The following ZNF497 variants were observed in gnomAD, a reference collection of about 807,000 sequenced individuals.
ZNF497 encodes zinc finger protein 497, also known as zinc finger-like protein.
For missense variants in ZNF497, 930 were observed against 714.0 expected, an observed-to-expected ratio of 1.30 and a Z score of -3.45; for synonymous variants, 422 against 313.7, an observed-to-expected ratio of 1.35 and a Z score of -3.65.
At position 58,356,663 on chromosome 19, in the gene ZNF497, T is replaced by A; in HGVS notation, c.973A>T (p.Thr325Ser). The A allele has an allele frequency of 6.5e-7, 1 of 1,549,408 alleles. No homozygotes were observed. The highest frequency in any genetic ancestry group is 8.7e-7 in the Non-Finnish European group (1 of 1,153,204). Residue 325 changes from threonine to serine, a missense_variant, in exon 3 of 3, where the codon ACT becomes TCT. Physicochemically the swap from Thr to Ser is moderately conservative, Grantham distance 58. Coordinates refer to ENST00000311044, the MANE Select transcript of ZNF497 (RefSeq NM_198458.3). ...GCGCACTCGAAGGGCCGCTCACCAGTGTGCGTGCGCTGGTGCTGCAGGAGC... is the reference window on the plus strand; with the variant it reads ...GCGCACTCGAAGGGCCGCTCACCAGAGTGCGTGCGCTGGTGCTGCAGGAGC... ...SQLLQHQRTH[T>S]GERPFECAEC...
intron 1 of ZNF497, chr19:58,358,795 A>C (rs1235590745): frequency 2.2e-6 from 1 of 457,948 alleles, no homozygotes; most frequent in Admixed American, 2.3e-5. Context: ...ACTTTCCCAC[A>C]GCCCCCAGGC....
chr19:58,358,170 C>T (rs1481189296), intron 2 of ZNF497: 88 of 1,289,990 alleles, frequency 6.8e-5, no homozygotes, highest in Non-Finnish European at 8.9e-5. Flanking sequence ...ACAGTATGGG[C>T]AGCATGTCCA....
Position 58,357,605 on chromosome 19 carries a change from C to T in ZNF497, c.31G>A (p.Val11Met). 1 of 1,549,038 alleles carries T rather than the reference C, an allele frequency of 6.5e-7. No individual in the cohort carries two copies. Reference protein sequence around the residue: MESPRGWTLQVAPEEGQVLCN... With the variant: MESPRGWTLQMAPEEGQVLCN... ...AGGACCTGGCCTTCCTCTGGGGCCA[C>T]CTGCAGGGTCCACCCTCTTGGGGAC... is the stretch of plus-strand genomic sequence containing the variant. The change falls in exon 3 of 3, where the codon GTG becomes ATG. Residue 11 changes from valine to methionine, a missense_variant. By Grantham distance (21) the Val-to-Met change is conservative (BLOSUM62 1). Transcript: ENST00000311044.
chr19:58,358,266 G>A (rs1231536391), intron 2 of ZNF497: 18 of 1,289,690 alleles, frequency 1.4e-5, no homozygotes, highest in Admixed American at 1.1e-4. Context: ...AAGGCATGGG[G>A]TGGCTGTGCA....
At chr19:58,358,146 GT>G in intron 2 of ZNF497, 1 of 1,256,382 alleles carries the variant, frequency 8.0e-7, no homozygotes, top group Non-Finnish European at 1.0e-6. Context: ...GGATCCCTGG[GT>G]AGTCCCCTCC....
rs2052025936 is a variant in ZNF497, at chr19:58,356,680, T to C, written c.956A>G (p.Gln319Arg). The change falls in exon 3 of 3, where the codon CAG becomes CGG. Residue 319 changes from glutamine to arginine, a missense_variant. Coordinates refer to ENST00000311044, the MANE Select transcript of ZNF497 (RefSeq NM_198458.3). ...KAFRESSQLLQHQRTHTGERP... is the reference protein window; with the variant it reads ...KAFRESSQLLRHQRTHTGERP... ...CTCACCAGTGTGCGTGCGCTGGTGC[T>C]GCAGGAGCTGCGAGCTCTCGCGGAA... 1 of 1,556,658 alleles carries C rather than the reference T, an allele frequency of 6.4e-7. No homozygotes were observed. The highest frequency in any genetic ancestry group is 2.4e-5 in the East Asian group (1 of 42,076).
At position 58,356,128 on chromosome 19, in the gene ZNF497, G is replaced by A. The variant is rs1182372292; in HGVS notation, c.*11C>T. On this transcript the variant is annotated 3_prime_UTR_variant, in exon 3 of 3. Transcript: ENST00000311044. ...GTGTGTCCGCGACCTCCCGCTCAGG[G>A]CGTCCTCGGGTCAGGGCGCAGCGCG... 2.0e-6 allele frequency: 3 copies of A among 1,525,598 alleles called. No homozygotes were observed. Among genetic ancestry groups the A allele is most frequent in the African/African-American group, 2.8e-5 (2 of 72,178 alleles). The allele number at this position is 1,525,598 out of a possible 1,614,324, so 94.5% of individuals were successfully genotyped here.
intron 1 of ZNF497, 164 bp from the exon 2 acceptor site, chr19:58,358,749 C>G (rs572370699): frequency 6.7e-5 from 31 of 463,068 alleles, no homozygotes; most frequent in South Asian, 4.8e-4. Context: ...CTCTGCCGTC[C>G]AAGCCAAGAC....
rs1434645505 is a variant in ZNF497, at chr19:58,356,853, C to T, written c.783G>A (p.Leu261=). The change falls in exon 3 of 3, where the codon CTG becomes CTA. Residue 261 remains leucine, a synonymous_variant. Coordinates refer to ENST00000311044, the MANE Select transcript of ZNF497 (RefSeq NM_198458.3). The part of the protein sequence containing the change: ...CGKAFSQSSN[L]AEHLKIHAGA... ...CCGCGTGGATCTTCAGGTGCTCGGC[C>T]AGGTTGGAGCTCTGGCTGAAGGCCT... is the stretch of plus-strand genomic sequence containing the variant. The T allele has an allele frequency of 1.9e-6, 3 of 1,576,562 alleles. No individual in the cohort carries two copies. The highest frequency in any genetic ancestry group is 1.1e-5 in the South Asian group (1 of 88,940).
intron 1 of ZNF497, 72 bp from the exon 2 acceptor site, chr19:58,358,657 G>T: frequency 1.3e-6 from 1 of 780,070 alleles, no homozygotes; most frequent in Non-Finnish European, 1.8e-6. Flanking sequence ...AGGGGCATGC[G>T]GTGGCATGAC....
In ZNF497 at chr19:58,358,014, G is replaced by A. The variant is rs75819328; in HGVS notation, c.-14-365C>T. On this transcript the variant is annotated intron_variant, in intron 2 of 2. Coordinates refer to ENST00000311044, the MANE Select transcript of ZNF497 (RefSeq NM_198458.3). ...TGCTTCACAGGGTGGGGCCCCAAGT[G>A]TCAAGAAGGTGGAGACTCCAGTTTG... 8.2e-4 allele frequency: 1,010 copies of A among 1,231,478 alleles called. 7 individuals carry two copies. The African/African-American group carries it at 0.014, about 16-fold the overall frequency. The allele number at this position is 1,231,478 out of a possible 1,614,324, so 76.3% of individuals were successfully genotyped here.
intron 1 of ZNF497, among the ~76,000 whole-genome samples, chr19:58,360,957 T>C (rs1370870356): frequency 1.3e-5 from 2 of 151,802 alleles, no homozygotes; most frequent in Non-Finnish European, 2.9e-5. Context: ...AATTTTTTTA[T>C]ATTTTTGGTA....
At position 58,358,210 on chromosome 19, in the gene ZNF497, G is replaced by A. The variant is rs1349198482; in HGVS notation, c.-15+279C>T. On this transcript the variant is annotated intron_variant, in intron 2 of 2. Transcript: ENST00000311044. ...GGAGGATCTCAGTGGCTGTTACCCA[G>A]GCAATGTCCACACCAGGCCTCTGTG... The A allele has an allele frequency of 1.4e-5, 18 of 1,289,810 alleles. No homozygotes were observed. In the Admixed American group the frequency reaches 4.1e-4, roughly 30 times the overall value. The allele number at this position is 1,289,810 out of a possible 1,614,324, so 79.9% of individuals were successfully genotyped here. A position where few individuals can be genotyped will look rare whatever the true frequency, so the allele number is the denominator to read the frequency against.
chr19:58,358,284 TC>T (rs1164337510), intron 2 of ZNF497: 4 of 1,289,260 alleles, frequency 3.1e-6, no homozygotes, highest in Non-Finnish European at 4.0e-6. Context: ...GCAGCCCAGA[TC>T]CCTGAGAGAG....
At chr19:58,359,880 G>C (rs1335467323) in intron 1 of ZNF497, among the ~76,000 whole-genome samples, 1 of 151,818 alleles carries the variant, frequency 6.6e-6, no homozygotes, top group Non-Finnish European at 1.5e-5. Flanking sequence ...GGCTGAGGCA[G>C]AGAACTGCTT....
At chr19:58,359,499 T>C (rs1426872111) in intron 1 of ZNF497, 1 of 456,462 alleles carries the variant, frequency 2.2e-6, no homozygotes, top group Non-Finnish European at 4.4e-6. Flanking sequence ...TGAGGTGCCA[T>C]GGCTGCTTGT....
In ZNF497 at chr19:58,356,959, G is replaced by T; in HGVS notation, c.677C>A (p.Ala226Asp). Residue 226 changes from alanine to aspartate, a missense_variant, in exon 3 of 3, where the codon GCC becomes GAC. By Grantham distance (126) the Ala-to-Asp change is moderately radical. Coordinates refer to ENST00000311044, the MANE Select transcript of ZNF497 (RefSeq NM_198458.3). Reference protein sequence around the residue: ...KPYECPECGKAFSWNSNFLEH... With the variant: ...KPYECPECGKDFSWNSNFLEH... ...CAGGAAATTGGAGTTCCAGCTGAAG[G>T]CCTTGCCGCACTCCGGGCACTCGTA... The T allele has an allele frequency of 1.2e-6, 2 of 1,606,286 alleles. No individual in the cohort carries two copies. The highest frequency in any genetic ancestry group is 2.2e-5 in the East Asian group (1 of 44,688).
At chr19:58,358,384 G>C (rs1449401955) in intron 2 of ZNF497, 105 bp downstream of exon 2, 1 of 1,176,112 alleles carries the variant, frequency 8.5e-7, no homozygotes, top group Non-Finnish European at 1.1e-6. Context: ...TCTCTACAGC[G>C]AGCAAAACCC....
At chr19:58,357,827 CG>C in intron 2 of ZNF497, 178 bp from the exon 3 acceptor site, 2 of 1,229,564 alleles carry the variant, frequency 1.6e-6, no homozygotes, top group South Asian at 1.9e-5. Flanking sequence ...GCTAGACACT[CG>C]GGGGATGGGC....
Sources: allele counts gnomAD v4.1 joint callset (sites outside exome capture counted in the v4.1 genomes callset), GRCh38; gene constraint gnomAD v4.1.1; transcripts MANE v1.5; gene names NCBI Gene and HGNC (gene_info 2026-07-23, HGNC 2026-07-21).